Variants in OR4A15 observed in about 807,000 individuals in gnomAD.
The protein encoded by OR4A15 is olfactory receptor 4A15.
For synonymous variants in OR4A15, 240 were observed against 135.6 expected (o/e 1.77, Z -5.35); for missense variants, 657 against 374.7 (o/e 1.75, Z -6.22).
At chr11:55,368,141 C>A (rs1404730568) in exon 1 of OR4A15, 1 of 1,612,800 alleles carries the variant, frequency 6.2e-7, no homozygotes, top group African/African-American at 1.3e-5. Context: ...TGGGTTCCCC[C>A]ATGTACTTTT....
chr11:55,368,191 C>A (rs1354716290), exon 1 of OR4A15: 2 of 1,613,518 alleles, frequency 1.2e-6, no homozygotes. Context: ...GTCTATTCTA[C>A]TGCATTTGCT....
chr11:55,368,349 AAGCCTCT>A lies in OR4A15; in HGVS notation c.377_383del (p.Lys126IlefsTer4). ...CTATGATCGATACATGGCCATCTGT[AAGCCTCT>A]TCATGAATTGATCACCATGAATCGT... On this transcript the variant is annotated frameshift_variant, in exon 1 of 1. Coordinates refer to ENST00000641526, the Ensembl canonical transcript of OR4A15. LOFTEE classifies it low-confidence loss of function (END_TRUNC). 1 of 1,613,174 alleles carries A rather than the reference AAGCCTCT, an allele frequency of 6.2e-7. No homozygotes were observed. Among genetic ancestry groups the A allele is most frequent in the Non-Finnish European group, 8.5e-7 (1 of 1,179,310 alleles).
Position 55,368,816 on chromosome 11 carries a change from C to A in OR4A15, c.843C>A (p.Asn281Lys), listed in dbSNP as rs762413877. Residue 281 changes from asparagine (N) to lysine (K), a missense_variant, in exon 1 of 1, where the codon AAC (asparagine) becomes AAA (lysine). Coordinates refer to ENST00000641526, the Ensembl canonical transcript of OR4A15. ...TAACTTTTATAACTCCCATGCTGAA[C>A]CCACTAATCTATACCCTGAAGAATG... The A allele has an allele frequency of 4.0e-5, 64 of 1,613,112 alleles. No homozygotes were observed. Among genetic ancestry groups the A allele is most frequent in the Non-Finnish European group, 5.3e-5 (63 of 1,179,340 alleles).
At chr11:55,368,533 G>A in exon 1 of OR4A15, 6 of 1,613,342 alleles carry the variant, frequency 3.7e-6, no homozygotes, top group South Asian at 2.2e-5. Context: ...AAACTTGCTT[G>A]CACCAATACC....
chr11:55,368,807 C>T (rs765105268), exon 1 of OR4A15: 1 of 1,613,084 alleles, frequency 6.2e-7, no homozygotes, highest in Non-Finnish European at 8.5e-7. Flanking sequence ...TTATAACTCC[C>T]ATGCTGAACC....
At chr11:55,368,052 G>C in exon 1 of OR4A15, 1 of 1,613,532 alleles carries the variant, frequency 6.2e-7, no homozygotes, top group Non-Finnish European at 8.5e-7. Flanking sequence ...GGTTTTATTT[G>C]TCACATTCTT....
Position 55,368,131 on chromosome 11 carries a change from T to C in OR4A15, c.158T>C (p.Leu53Pro), listed in dbSNP as rs758404181. The C allele has an allele frequency of 1.5e-5, 24 of 1,612,716 alleles. No individual in the cohort carries two copies. The highest frequency in any genetic ancestry group is 1.9e-5 in the Non-Finnish European group (23 of 1,179,888). ...GTGACCATCATGGCCAGCCAGTCCC[T>C]GGGTTCCCCCATGTACTTTTTTCTG... The change falls in exon 1 of 1, where the codon CTG (leucine) becomes CCG (proline). Residue 53 changes from leucine (L) to proline (P), a missense_variant. Physicochemically the swap from Leu to Pro is moderately conservative, Grantham distance 98. Coordinates refer to ENST00000641526, the Ensembl canonical transcript of OR4A15.
chr11:55,368,901 T>A, exon 1 of OR4A15: 1 of 1,602,068 alleles, frequency 6.2e-7, no homozygotes, highest in Non-Finnish European at 8.5e-7. Context: ...AGCTGGGAAA[T>A]GGCTGTATCA....
exon 1 of OR4A15, chr11:55,368,003 T>C: frequency 6.2e-7 from 1 of 1,613,494 alleles, no homozygotes; most frequent in Non-Finnish European, 8.5e-7. Flanking sequence ...TGACTGAATT[T>C]ATCCTCTTAG....
chr11:55,368,638 CT>C lies in OR4A15; in HGVS notation c.666del (p.Lys224ArgfsTer46). ...CTTTCCTATGGGGTCATATTACACT[CT>C]CTTAAGACTCAGAGTTTGGAAGGGA... On this transcript the variant is annotated frameshift_variant, in exon 1 of 1. Coordinates refer to ENST00000641526, the Ensembl canonical transcript of OR4A15. LOFTEE classifies it low-confidence loss of function (END_TRUNC). 6.2e-7 allele frequency: 1 copy of C among 1,613,716 alleles called. No individual in the cohort carries two copies. Among genetic ancestry groups the C allele is most frequent in the Non-Finnish European group, 8.5e-7 (1 of 1,179,870 alleles).
chr11:55,368,827 A>G (rs138550512), exon 1 of OR4A15: 31 of 1,613,396 alleles, frequency 1.9e-5, no homozygotes, highest in Non-Finnish European at 2.5e-5. Flanking sequence ...CCACTAATCT[A>G]TACCCTGAAG....
exon 1 of OR4A15, chr11:55,368,371 C>A (rs767078277): frequency 2.5e-6 from 4 of 1,612,588 alleles, no homozygotes; most frequent in Middle Eastern, 1.7e-4. Context: ...GAATTGATCA[C>A]CATGAATCGT....
chr11:55,368,268 C>T lies in OR4A15; in HGVS notation c.295C>T (p.Leu99Phe), dbSNP rs746409960. The T allele has an allele frequency of 1.6e-5, 26 of 1,613,870 alleles. No individual in the cohort carries two copies. The Admixed American group carries it at 2.5e-4, about 16-fold the overall frequency. ...TTCCTTTCAGGGTTGTATGGCTCAA[C>T]TTTTTATGGATCATTTATTTGCTGG... Residue 99 changes from leucine to phenylalanine, a missense_variant, in exon 1 of 1, where the codon CTT becomes TTT. Coordinates refer to ENST00000641526, the Ensembl canonical transcript of OR4A15.
exon 1 of OR4A15, chr11:55,368,188 C>A: frequency 6.2e-7 from 1 of 1,613,502 alleles, no homozygotes; most frequent in Non-Finnish European, 8.5e-7. Flanking sequence ...ACCGTCTATT[C>A]TACTGCATTT....
exon 1 of OR4A15, chr11:55,368,199 G>T (rs778978624): frequency 1.2e-6 from 2 of 1,613,462 alleles, no homozygotes; most frequent in Admixed American, 1.7e-5. Flanking sequence ...TACTGCATTT[G>T]CTCCCAAAAT....
chr11:55,368,328 G>A lies in OR4A15; in HGVS notation c.355G>A (p.Asp119Asn), dbSNP rs1199116873. Residue 119 changes from aspartate to asparagine, a missense_variant, in exon 1 of 1, where the codon GAT (aspartate) becomes AAT (asparagine). Physicochemically the swap from Asp to Asn is conservative, Grantham distance 23 (BLOSUM62 1). Coordinates refer to ENST00000641526, the Ensembl canonical transcript of OR4A15. The stretch of plus-strand genomic sequence containing the variant: ...CATTCTTCTGGTGGTAATGGCCTAT[G>A]ATCGATACATGGCCATCTGTAAGCC... 5 of 1,611,920 alleles carry A rather than the reference G, an allele frequency of 3.1e-6. No individual in the cohort carries two copies. The African/African-American group carries it at 6.7e-5, about 22-fold the overall frequency.
exon 1 of OR4A15, chr11:55,368,566 T>C (rs1327143253): frequency 1.1e-5 from 17 of 1,613,510 alleles, no homozygotes; most frequent in Non-Finnish European, 1.4e-5. Context: ...CTTTCTATGA[T>C]AGCTAATGGA....
chr11:55,368,504 T>A lies in OR4A15; in HGVS notation c.531T>A (p.Cys177Ter), dbSNP rs1313080094. The change falls in exon 1 of 1, where the codon TGT (cysteine) becomes TGA (stop). Residue 177 changes from cysteine (C) to a stop codon, truncating the protein, a stop_gained. Coordinates refer to ENST00000641526, the Ensembl canonical transcript of OR4A15. LOFTEE classifies it low-confidence loss of function (END_TRUNC). ...CCAATGTCATTGACAACTTCCTGTG[T>A]GATTTGTATCCCTTATTGAAACTTG... 6.8e-6 allele frequency: 11 copies of A among 1,612,362 alleles called. No individual in the cohort carries two copies. The highest frequency in any genetic ancestry group is 9.3e-6 in the Non-Finnish European group (11 of 1,178,576).
exon 1 of OR4A15, chr11:55,368,371 C>T (rs767078277): frequency 1.2e-6 from 2 of 1,612,586 alleles, no homozygotes; most frequent in African/African-American, 1.3e-5. Flanking sequence ...GAATTGATCA[C>T]CATGAATCGT....
Sources: gnomAD v4.1 joint callset for allele counts on GRCh38, gnomAD v4.1.1 for gene constraint, MANE v1.5 for transcripts, NCBI Gene and HGNC (gene_info 2026-07-23, HGNC 2026-07-21) for gene names.